Variants in TBC1D12 observed in about 807,000 individuals in gnomAD.
TBC1D12 encodes the protein TBC1 domain family, member 12.
TBC1D12 carries 56 observed loss-of-function variants against 86.7 expected under a neutral mutation model. The ratio of observed to expected loss-of-function variants is 0.65; its 90% CI spans 0.52 to 0.81. The LOEUF (loss-of-function observed/expected upper bound fraction) is 0.81. Among genes scored for constraint, TBC1D12 ranks in the 30% least tolerant of loss-of-function variants. The pLI is 0.00. For missense variants in TBC1D12, 1,023 were observed against 1,038.8 expected, an observed-to-expected ratio of 0.98 and a Z score of 0.21; for synonymous variants, 421 against 411.7, an observed-to-expected ratio of 1.02 and a Z score of -0.27.
At chr10:94,460,534 A>G (rs1208912299) in intron 2 of TBC1D12, among the ~76,000 whole-genome samples, 1 of 125,720 alleles carries the variant, frequency 8.0e-6, no homozygotes, top group Non-Finnish European at 1.7e-5. Context: ...TTTTGATTTT[A>G]TTTTCTGAAA....
Position 94,529,763 on chromosome 10 carries a change from G to GA in TBC1D12, c.2001-1431dup, listed in dbSNP as rs201499054. Among the ~76,000 whole-genome samples the GA allele has an allele frequency of 2.0e-4, 31 of 151,670 alleles. No individual in the cohort carries two copies. In the East Asian group the frequency reaches 3.5e-3, roughly 17 times the overall value. On this transcript the variant is annotated intron_variant, in intron 11 of 12. Transcript: ENST00000225235. ...TTTAAATACTAATTCCATTAAGAAG[G>GA]AAAAAAAAGTCCTCCATTGTCAGTC...
At chr10:94,443,822 A>G (rs2055414329) in intron 2 of TBC1D12, among the ~76,000 whole-genome samples, 1 of 152,230 alleles carries the variant, frequency 6.6e-6, no homozygotes, top group South Asian at 2.1e-4. Flanking sequence ...GGTTTGAGAA[A>G]TTGTATACAA....
chr10:94,446,460 T>A (rs1250739496), intron 2 of TBC1D12, among the ~76,000 whole-genome samples: 3 of 152,200 alleles, frequency 2.0e-5, no homozygotes, highest in African/African-American at 7.2e-5. Context: ...GCAGTAAGAT[T>A]TATTAGGAGA....
At chr10:94,479,113 A>G (rs1293615657) in intron 3 of TBC1D12, among the ~76,000 whole-genome samples, 3 of 152,256 alleles carry the variant, frequency 2.0e-5, no homozygotes, top group African/African-American at 4.8e-5. Context: ...AATTTCAAAC[A>G]GAGGAACTTT....
chr10:94,411,848 C>G (rs2054932279), intron 1 of TBC1D12, among the ~76,000 whole-genome samples: 1 of 152,160 alleles, frequency 6.6e-6, no homozygotes, highest in Non-Finnish European at 1.5e-5. Context: ...GCCACAGTTA[C>G]TCGGGAGGCT....
intron 1 of TBC1D12, among the ~76,000 whole-genome samples, chr10:94,417,917 T>G (rs2134058220): frequency 6.6e-6 from 1 of 152,098 alleles, no homozygotes; most frequent in South Asian, 2.1e-4. Flanking sequence ...GCTGCCTAAT[T>G]ATTTTTTTTT....
At chr10:94,494,209 G>A (rs573920863) in intron 4 of TBC1D12, among the ~76,000 whole-genome samples, 162 of 152,088 alleles carry the variant, frequency 1.1e-3, no homozygotes, top group Non-Finnish European at 1.8e-3. Flanking sequence ...TAATTTAATG[G>A]TGTTTATTTC....
intron 2 of TBC1D12, among the ~76,000 whole-genome samples, chr10:94,449,099 A>G (rs1302175726): frequency 1.3e-5 from 2 of 152,214 alleles, no homozygotes; most frequent in Non-Finnish European, 2.9e-5. Context: ...TTCACAAATT[A>G]AACGGTAGAA....
intron 1 of TBC1D12, among the ~76,000 whole-genome samples, chr10:94,413,474 TAAG>T (rs1203333825): frequency 6.6e-6 from 1 of 152,196 alleles, no homozygotes; most frequent in African/African-American, 2.4e-5. Flanking sequence ...TCCGTGCCTT[TAAG>T]AAGAAATCCT....
At chr10:94,409,784 G>C (rs1366388345) in intron 1 of TBC1D12, among the ~76,000 whole-genome samples, 1 of 152,094 alleles carries the variant, frequency 6.6e-6, no homozygotes, top group African/African-American at 2.4e-5. Context: ...AATGGCCATA[G>C]AGATTAATTT....
rs1189342636 is a variant in TBC1D12 at position 94,510,965 on chromosome 10, A to T, written c.1690-618A>T. Reference sequence around the variant, plus strand: ...GATGGTGTATTACATAAAATGAAACAGTGTGTATTCATCATACCCTTATAC... The same window carrying T: ...GATGGTGTATTACATAAAATGAAACTGTGTGTATTCATCATACCCTTATAC... On this transcript the variant is annotated intron_variant, in intron 8 of 12. Coordinates refer to ENST00000225235, the MANE Select transcript of TBC1D12 (RefSeq NM_015188.2). 2.0e-5 allele frequency among the ~76,000 whole-genome samples: 3 copies of T among 152,168 alleles called. No individual in the cohort carries two copies. The East Asian group carries it at 5.8e-4, about 29-fold the overall frequency.
chr10:94,458,892 C>T (rs1011574135), intron 2 of TBC1D12, among the ~76,000 whole-genome samples: 1 of 152,086 alleles, frequency 6.6e-6, no homozygotes, highest in African/African-American at 2.4e-5. Flanking sequence ...TGTTACAGCT[C>T]ATAAAGGCAG....
chr10:94,441,446 C>T (rs1050978753), intron 1 of TBC1D12, among the ~76,000 whole-genome samples: 1 of 152,036 alleles, frequency 6.6e-6, no homozygotes. Flanking sequence ...CATGTACAGT[C>T]AATTCTAGTA....
At chr10:94,480,383 T>C (rs1221068823) in intron 3 of TBC1D12, among the ~76,000 whole-genome samples, 1 of 152,190 alleles carries the variant, frequency 6.6e-6, no homozygotes, top group Non-Finnish European at 1.5e-5. Context: ...ACTTTTGTTC[T>C]CTTGACCTAG....
intron 1 of TBC1D12, among the ~76,000 whole-genome samples, chr10:94,425,337 A>G (rs1455067539): frequency 1.3e-5 from 2 of 152,224 alleles, no homozygotes; most frequent in Non-Finnish European, 2.9e-5. Flanking sequence ...TAGTAGTTAC[A>G]CAAATCTATA....
intron 11 of TBC1D12, among the ~76,000 whole-genome samples, chr10:94,527,801 TC>T (rs531085675): frequency 1.3e-5 from 2 of 152,116 alleles, no homozygotes; most frequent in Admixed American, 1.3e-4. Context: ...ATCCAGTTTT[TC>T]CCCCAGCACC....
intron 11 of TBC1D12, among the ~76,000 whole-genome samples, chr10:94,529,417 G>A (rs536953250): frequency 2.6e-5 from 4 of 152,224 alleles, no homozygotes; most frequent in East Asian, 3.9e-4. Flanking sequence ...TTGGGAATTC[G>A]AGACCAGCCT....
chr10:94,522,515 GT>G, intron 11 of TBC1D12, 62 bp downstream of exon 11: 1 of 746,766 alleles, frequency 1.3e-6, no homozygotes, highest in Non-Finnish European at 2.1e-6. Context: ...CTTTTTGTGT[GT>G]TTTAGGAACT....
At chr10:94,491,528 G>A (rs189623014) in intron 3 of TBC1D12, among the ~76,000 whole-genome samples, 3 of 152,220 alleles carry the variant, frequency 2.0e-5, no homozygotes, top group Non-Finnish European at 2.9e-5. Context: ...CCTTATTGGC[G>A]GTTTTGCTTA....
Sources: gnomAD v4.1 joint callset for allele counts (sites outside exome capture counted in the v4.1 genomes callset) on GRCh38, gnomAD v4.1.1 for gene constraint, MANE v1.5 for transcripts, NCBI Gene and HGNC (gene_info 2026-07-23, HGNC 2026-07-21) for gene names.